Variants in TNIK observed in about 807,000 individuals in gnomAD.
TNIK encodes the protein TRAF2 and NCK-interacting protein kinase.
A neutral mutation model predicts 191.3 loss-of-function variants in TNIK; 49 were observed. That is an observed-to-expected ratio of 0.26 (90% CI 0.20 to 0.32). The LOEUF (loss-of-function observed/expected upper bound fraction) is 0.32. Ranked by LOEUF, TNIK falls within the 10% of genes least tolerant of loss-of-function variation. The pLI is 1.00. For synonymous variants in TNIK, 594 were observed against 600.9 expected (o/e 0.99, Z 0.17); for missense variants, 1,155 against 1,702.3 (o/e 0.68, Z 5.66).
intron 2 of TNIK, among the ~76,000 whole-genome samples, chr3:171,354,939 T>A (rs1349215774): frequency 6.6e-6 from 1 of 152,232 alleles, no homozygotes; most frequent in African/African-American, 2.4e-5. Context: ...GTTTTCAATG[T>A]TGCTATTCTG....
At chr3:171,425,365 T>C (rs1724412971) in intron 1 of TNIK, among the ~76,000 whole-genome samples, 1 of 152,182 alleles carries the variant, frequency 6.6e-6, no homozygotes, top group Non-Finnish European at 1.5e-5. Context: ...CAGAAAAGTA[T>C]ACATAATTAG....
At chr3:171,069,512 T>C (rs17826584) in intron 29 of TNIK, among the ~76,000 whole-genome samples, 10,978 of 152,194 alleles carry the variant, frequency 0.072, 456 homozygotes, top group Middle Eastern at 0.13. Flanking sequence ...AGGCATAAGA[T>C]TGGCACTTTC....
chr3:171,230,106 A>G (rs1042396626), intron 2 of TNIK, among the ~76,000 whole-genome samples: 18 of 152,188 alleles, frequency 1.2e-4, no homozygotes, highest in African/African-American at 4.1e-4. Flanking sequence ...AGTTTCCACA[A>G]GATTGATAGG....
At chr3:171,085,039 TGAG>T in intron 25 of TNIK, 76 bp downstream of exon 25, 2 of 1,180,012 alleles carry the variant, frequency 1.7e-6, no homozygotes, top group Non-Finnish European at 2.4e-6. Flanking sequence ...ACTACTGAAC[TGAG>T]GATTAATTTC....
At chr3:171,120,315 T>TTTTC (rs937189962) in intron 18 of TNIK, among the ~76,000 whole-genome samples, 7 of 146,778 alleles carry the variant, frequency 4.8e-5, no homozygotes, top group African/African-American at 1.9e-4. Context: ...TGTTTTTCTT[T>TTTTC]TTTCTTTCTT....
chr3:171,453,721 A>G (rs1322879287), intron 1 of TNIK, among the ~76,000 whole-genome samples: 2 of 152,306 alleles, frequency 1.3e-5, no homozygotes, highest in East Asian at 3.9e-4. Flanking sequence ...CCCAGGGGAC[A>G]GTAACTACAG....
intron 2 of TNIK, among the ~76,000 whole-genome samples, chr3:171,282,011 G>T (rs1031795143): frequency 2.0e-5 from 3 of 152,116 alleles, no homozygotes; most frequent in African/African-American, 7.2e-5. Flanking sequence ...AATAATAATG[G>T]TAACTGTGAT....
intron 1 of TNIK, among the ~76,000 whole-genome samples, chr3:171,396,062 A>G (rs1484630700): frequency 6.6e-6 from 1 of 152,096 alleles, no homozygotes; most frequent in Non-Finnish European, 1.5e-5. Context: ...CATCGCCTCA[A>G]AAAGAAACCC....
At chr3:171,343,172 T>G (rs147007135) in intron 2 of TNIK, among the ~76,000 whole-genome samples, 14 of 152,142 alleles carry the variant, frequency 9.2e-5, no homozygotes, top group Non-Finnish European at 1.5e-5. Flanking sequence ...GGGCTGCACA[T>G]AGGGACCTGC....
At position 171,110,850 on chromosome 3, in the gene TNIK, G is replaced by A. The variant is rs1482034501; in HGVS notation, c.2148C>T (p.Pro716=). The A allele has an allele frequency of 1.2e-6, 2 of 1,604,892 alleles. No individual in the cohort carries two copies. Among genetic ancestry groups the A allele is most frequent in the Non-Finnish European group, 1.7e-6 (2 of 1,176,458 alleles). The part of the protein sequence containing the change: ...ASNPDLRRTE[P]ILESPLQRTS... ...TCCTCTGCAAGGGGCTCTCCAAGAT[G>A]GGCTCAGTTCTCCGGAGATCAGGGT... Residue 716 remains proline (P), a synonymous_variant, in exon 19 of 33, where the codon CCC becomes CCT. Transcript: ENST00000436636.
intron 12 of TNIK, among the ~76,000 whole-genome samples, chr3:171,153,900 GATAA>G (rs35819866): frequency 0.1 from 15,421 of 152,084 alleles, 881 homozygotes; most frequent in Middle Eastern, 0.14. Flanking sequence ...TTGCTGTGAT[GATAA>G]ATGATTACTT....
chr3:171,238,120 A>C (rs755935454), intron 2 of TNIK, among the ~76,000 whole-genome samples: 3 of 152,194 alleles, frequency 2.0e-5, no homozygotes, highest in Non-Finnish European at 2.9e-5. Context: ...CTGAGCAAAG[A>C]CCTGCATATT....
chr3:171,403,240 C>T (rs937578638), intron 1 of TNIK, among the ~76,000 whole-genome samples: 4 of 152,146 alleles, frequency 2.6e-5, no homozygotes, highest in African/African-American at 9.7e-5. Flanking sequence ...AAGAGAACAG[C>T]CCACACCTGG....
intron 7 of TNIK, among the ~76,000 whole-genome samples, chr3:171,179,101 T>G (rs1010004898): frequency 5.3e-5 from 8 of 152,136 alleles, no homozygotes; most frequent in African/African-American, 1.9e-4. Context: ...GCAAGGGGGA[T>G]TCTTTCAATG....
At chr3:171,420,507 G>C (rs1723658433) in intron 1 of TNIK, among the ~76,000 whole-genome samples, 1 of 152,114 alleles carries the variant, frequency 6.6e-6, no homozygotes, top group South Asian at 2.1e-4. Flanking sequence ...CTATACCACA[G>C]AATAGCTATG....
intron 1 of TNIK, among the ~76,000 whole-genome samples, chr3:171,422,822 AG>A (rs1457280985): frequency 6.6e-6 from 1 of 152,212 alleles, no homozygotes; most frequent in Non-Finnish European, 1.5e-5. Flanking sequence ...AACACTTCCT[AG>A]CCCGGTGGCT....
At chr3:171,225,743 T>G in intron 3 of TNIK, 2 of 405,144 alleles carry the variant, frequency 4.9e-6, no homozygotes, top group South Asian at 3.7e-5. Flanking sequence ...GTTCTACTTG[T>G]GAGGCTTTAA....
At chr3:171,147,656 G>T (rs1218647834) in intron 12 of TNIK, among the ~76,000 whole-genome samples, 1 of 152,038 alleles carries the variant, frequency 6.6e-6, no homozygotes, top group Non-Finnish European at 1.5e-5. Flanking sequence ...GAACACTTAC[G>T]TAGTGCAGCC....
At chr3:171,266,625 A>G (rs1748434885) in intron 2 of TNIK, among the ~76,000 whole-genome samples, 1 of 152,196 alleles carries the variant, frequency 6.6e-6, no homozygotes, top group South Asian at 2.1e-4. Context: ...ATCTCATTCA[A>G]CAGAGTTGTG....
Sources: allele counts gnomAD v4.1 joint callset (sites outside exome capture counted in the v4.1 genomes callset), GRCh38; gene constraint gnomAD v4.1.1; transcripts MANE v1.5; gene names NCBI Gene and HGNC (gene_info 2026-07-23, HGNC 2026-07-21).